SEC22A: variants seen among roughly 807,000 people sequenced by gnomAD.
The protein encoded by SEC22A is SEC22 homolog A, vesicle trafficking protein.
Under a neutral mutation model 35.3 loss-of-function variants are expected in SEC22A, and 22 were observed. That is an observed-to-expected ratio of 0.62 (90% CI 0.45 to 0.89). SEC22A has a LOEUF of 0.89. Ranked by LOEUF, SEC22A falls within the 40% of genes least tolerant of loss-of-function variation. SEC22A has a pLI of 0.00. For missense variants in SEC22A, 354 were observed against 362.5 expected, an observed-to-expected ratio of 0.98 and a Z score of 0.19; for synonymous variants, 119 against 129.5, an observed-to-expected ratio of 0.92 and a Z score of 0.55.
intron 4 of SEC22A, among the ~76,000 whole-genome samples, chr3:123,228,169 A>G (rs1937247846): frequency 6.6e-6 from 1 of 152,112 alleles, no homozygotes; most frequent in South Asian, 2.1e-4. Flanking sequence ...TAACAAGCCC[A>G]GTTGGTCAGG....
At chr3:123,225,592 A>T (rs1046828716) in intron 4 of SEC22A, among the ~76,000 whole-genome samples, 1 of 152,196 alleles carries the variant, frequency 6.6e-6, no homozygotes, top group African/African-American at 2.4e-5. Context: ...TAATATATTT[A>T]TGGGGTACAT....
At chr3:123,258,735 C>A (rs1293765397) in intron 5 of SEC22A, among the ~76,000 whole-genome samples, 1 of 149,132 alleles carries the variant, frequency 6.7e-6, no homozygotes, top group African/African-American at 2.5e-5. Flanking sequence ...TTTTTTCTCT[C>A]TAATATAAGA....
chr3:123,209,087 C>T (rs748675146), intron 1 of SEC22A, 112 bp from the exon 2 acceptor site: 11 of 809,542 alleles, frequency 1.4e-5, no homozygotes, highest in Middle Eastern at 3.4e-4. Flanking sequence ...GCCACCACAC[C>T]TGGCCATTTT....
intron 4 of SEC22A, among the ~76,000 whole-genome samples, chr3:123,231,225 T>G (rs1937319511): frequency 6.6e-6 from 1 of 152,174 alleles, no homozygotes; most frequent in South Asian, 2.1e-4. Flanking sequence ...GAGACTTAAA[T>G]ACACAACTTT....
At chr3:123,254,188 A>G (rs1364285010) in intron 5 of SEC22A, among the ~76,000 whole-genome samples, 3 of 151,856 alleles carry the variant, frequency 2.0e-5, no homozygotes, top group Admixed American at 6.6e-5. Context: ...CTTCATCCTC[A>G]TCTTTTTTTT....
intron 1 of SEC22A, chr3:123,202,204 C>G (rs1290260921): frequency 6.5e-6 from 1 of 152,878 alleles, no homozygotes; most frequent in Non-Finnish European, 1.5e-5. Flanking sequence ...GACCCCGTCC[C>G]CTTCGACTTG....
chr3:123,260,220 C>G (rs1180254239), intron 6 of SEC22A, among the ~76,000 whole-genome samples: 4 of 139,700 alleles, frequency 2.9e-5, no homozygotes, highest in Non-Finnish European at 4.6e-5. Flanking sequence ...TCTACTTATA[C>G]TCTAGGCTGA....
chr3:123,248,219 T>C (rs1349821371), intron 5 of SEC22A, among the ~76,000 whole-genome samples: 2 of 152,018 alleles, frequency 1.3e-5, no homozygotes, highest in African/African-American at 4.8e-5. Context: ...TGCAATAAGA[T>C]GAGAATAGGA....
intron 2 of SEC22A, among the ~76,000 whole-genome samples, chr3:123,222,201 T>C (rs1314776052): frequency 6.6e-6 from 1 of 151,994 alleles, no homozygotes; most frequent in Non-Finnish European, 1.5e-5. Context: ...CATATCTCTT[T>C]AGCTTCTTTT....
At position 123,271,553 on chromosome 3, in the gene SEC22A, G is replaced by A. The variant is rs540233608; in HGVS notation, c.755G>A (p.Arg252Gln). 9.9e-6 allele frequency: 16 copies of A among 1,613,802 alleles called. No homozygotes were observed. Among genetic ancestry groups the A allele is most frequent in the South Asian group, 3.3e-5 (3 of 91,078 alleles). Residue 252 changes from arginine (R) to glutamine (Q), a missense_variant, in exon 7 of 7, where the codon CGG (arginine) becomes CAG (glutamine). Arg to Gln is a conservative substitution (Grantham distance 43). Transcript: ENST00000492595. ...CYLLVYYTGW[R>Q]NVKSFLTFGL... Reference sequence around the variant, plus strand: ...TTACTTGTCTACTACACCGGCTGGCGGAATGTCAAATCTTTTTTGACTTTT... The same window carrying A: ...TTACTTGTCTACTACACCGGCTGGCAGAATGTCAAATCTTTTTTGACTTTT...
chr3:123,251,767 T>C (rs1044963388), intron 5 of SEC22A, among the ~76,000 whole-genome samples: 10 of 152,060 alleles, frequency 6.6e-5, no homozygotes, highest in African/African-American at 2.4e-4. Context: ...CTCCCATTGT[T>C]CCAGTTATCG....
At chr3:123,227,534 A>G (rs948584180) in intron 4 of SEC22A, among the ~76,000 whole-genome samples, 6 of 152,198 alleles carry the variant, frequency 3.9e-5, no homozygotes, top group African/African-American at 1.4e-4. Flanking sequence ...GTGGCAAACC[A>G]CCATGGCACA....
In SEC22A at chr3:123,229,875, A is replaced by AAATAATAAT. The variant is rs146856118; in HGVS notation, c.541+4585_541+4593dup. 3.1e-3 allele frequency among the ~76,000 whole-genome samples: 463 copies of AAATAATAAT among 150,964 alleles called. 1 individual carries two copies. Among genetic ancestry groups the AAATAATAAT allele is most frequent in the Middle Eastern group, 6.9e-3 (2 of 290 alleles). On this transcript the variant is annotated intron_variant, in intron 4 of 6. Coordinates refer to ENST00000492595, the MANE Select transcript of SEC22A (RefSeq NM_012430.5). ...AGACTTCATCTCAAAAAAAAAAAATAAATAATAATAATAATGGAAATTCTT... is the reference window on the plus strand; with the variant it reads ...AGACTTCATCTCAAAAAAAAAAAATAAATAATAATAATAATAATAATAATGGAAATTCTT...
chr3:123,262,277 T>C (rs1576504543), intron 6 of SEC22A, among the ~76,000 whole-genome samples: 1 of 152,314 alleles, frequency 6.6e-6, no homozygotes, highest in Admixed American at 6.5e-5. Context: ...ACATTTCAAA[T>C]AGGAAAGCAA....
intron 2 of SEC22A, among the ~76,000 whole-genome samples, chr3:123,212,239 C>T (rs924159589): frequency 6.6e-6 from 1 of 151,984 alleles, no homozygotes; most frequent in African/African-American, 2.4e-5. Context: ...CTTAGATCAC[C>T]TGGATAATGG....
At chr3:123,244,524 CAT>C (rs1362959681) in intron 4 of SEC22A, among the ~76,000 whole-genome samples, 3 of 151,948 alleles carry the variant, frequency 2.0e-5, no homozygotes, top group East Asian at 1.9e-4. Flanking sequence ...TTTCTGTTGT[CAT>C]ATTACAATAT....
intron 5 of SEC22A, among the ~76,000 whole-genome samples, chr3:123,249,514 C>CATAT (rs151068447): frequency 4.0e-5 from 6 of 150,274 alleles, no homozygotes; most frequent in African/African-American, 7.3e-5. Context: ...TGTTTTTTAT[C>CATAT]ATATATATAT....
At chr3:123,250,271 G>A (rs62262611) in intron 5 of SEC22A, among the ~76,000 whole-genome samples, 29,868 of 152,114 alleles carry the variant, frequency 0.2, 3,045 homozygotes, top group Middle Eastern at 0.27. Flanking sequence ...TTAGCTGGGT[G>A]TGGTGGCGCA....
At chr3:123,241,668 TC>T (rs1440753201) in intron 4 of SEC22A, among the ~76,000 whole-genome samples, 2 of 152,230 alleles carry the variant, frequency 1.3e-5, no homozygotes, top group African/African-American at 2.4e-5. Context: ...TAAGCTTTCA[TC>T]CTGTTTTTCT....
Sources: allele counts gnomAD v4.1 joint callset (sites outside exome capture counted in the v4.1 genomes callset), GRCh38; gene constraint gnomAD v4.1.1; transcripts MANE v1.5; gene names NCBI Gene and HGNC (gene_info 2026-07-23, HGNC 2026-07-21).